Variants in OSMR observed in about 807,000 individuals in gnomAD.
OSMR encodes oncostatin-M-specific receptor subunit beta.
Under a neutral mutation model 99.9 loss-of-function variants are expected in OSMR, and 81 were observed. The ratio of observed to expected loss-of-function variants is 0.81; its 90% CI spans 0.68 to 0.97. OSMR has a LOEUF of 0.97. Ranked by LOEUF, OSMR falls within the 50% of genes least tolerant of loss-of-function variation. The pLI, the probability that OSMR is intolerant of heterozygous loss-of-function variation, is 0.00. For missense variants in OSMR, 1,099 were observed against 1,153.4 expected (o/e 0.95, Z 0.68); for synonymous variants, 406 against 410.4 (o/e 0.99, Z 0.13).
At position 38,886,183 on chromosome 5, in the gene OSMR, T is replaced by C. The variant is rs1002377727; in HGVS notation, c.984T>C (p.Thr328=). The part of the protein sequence containing the change: ...KRSVNILFNL[T]HRVYLMNPFS... ...GTGTCAATATCCTTTTTAACCTGAC[T>C]CATCGAGGTGAGACTAGAGTTGTCA... The change falls in exon 7 of 18, where the codon ACT becomes ACC. Residue 328 remains threonine, a synonymous_variant. Transcript: ENST00000274276. 1 of 1,614,122 alleles carries C rather than the reference T, an allele frequency of 6.2e-7. No individual in the cohort carries two copies. The highest frequency in any genetic ancestry group is 1.3e-5 in the African/African-American group (1 of 75,054).
Position 38,864,024 on chromosome 5 carries a change from C to A in OSMR, c.-13-5008C>A, listed in dbSNP as rs148377235. Among the ~76,000 whole-genome samples the A allele has an allele frequency of 8.5e-5, 13 of 152,224 alleles. No individual in the cohort carries two copies. The East Asian group carries it at 2.3e-3, about 27-fold the overall frequency. ...TAGAATATCTTTTCCTATCCCTTCA[C>A]TTTCAGTCTATATGTATCTTTATGG... On this transcript the variant is annotated intron_variant, in intron 1 of 17. Coordinates refer to ENST00000274276, the MANE Select transcript of OSMR (RefSeq NM_003999.3).
At chr5:38,857,467 T>A (rs1200496630) in intron 1 of OSMR, among the ~76,000 whole-genome samples, 1 of 152,178 alleles carries the variant, frequency 6.6e-6, no homozygotes, top group Non-Finnish European at 1.5e-5. Context: ...CCGGCTTTAA[T>A]ATTCAGTTGT....
At chr5:38,896,648 T>C (rs542742749) in intron 7 of OSMR, among the ~76,000 whole-genome samples, 1 of 152,238 alleles carries the variant, frequency 6.6e-6, no homozygotes, top group African/African-American at 2.4e-5. Context: ...TTCTTTATCT[T>C]GTCTGATTGC....
At chr5:38,931,779 A>T in intron 15 of OSMR, 104 bp from the exon 16 acceptor site, 3 of 1,544,674 alleles carry the variant, frequency 1.9e-6, no homozygotes, top group Non-Finnish European at 2.6e-6. Flanking sequence ...TAATTTGAGA[A>T]ATAATAAACA....
At chr5:38,883,614 C>G in intron 4 of OSMR, 1 of 717,232 alleles carries the variant, frequency 1.4e-6, no homozygotes, top group Non-Finnish European at 1.7e-6. Flanking sequence ...GTAAGAGCAA[C>G]AGCAGTGGTA....
chr5:38,917,828 G>C (rs934045235), intron 10 of OSMR, among the ~76,000 whole-genome samples: 2 of 152,106 alleles, frequency 1.3e-5, no homozygotes, highest in Admixed American at 6.6e-5. Flanking sequence ...AGTTCTGATT[G>C]GTAGAACCTT....
At chr5:38,852,651 T>C (rs542452294) in intron 1 of OSMR, among the ~76,000 whole-genome samples, 2 of 151,938 alleles carry the variant, frequency 1.3e-5, no homozygotes, top group Admixed American at 6.6e-5. Context: ...CTGTTTTTAC[T>C]TATTTCTAAG....
At position 38,933,579 on chromosome 5, in the gene OSMR, C is replaced by A; in HGVS notation, c.*135C>A. 1.0e-6 allele frequency: 1 copy of A among 972,576 alleles called. No homozygotes were observed. The highest frequency in any genetic ancestry group is 1.6e-6 in the Non-Finnish European group (1 of 632,178). The allele number at this position is 972,576 out of a possible 1,614,324, so 60.2% of individuals were successfully genotyped here. On this transcript the variant is annotated 3_prime_UTR_variant, in exon 18 of 18. Transcript: ENST00000274276. ...CTGGTTTATATAAGACCACTACAGTCTGGCTAGGTTAAAGGCCAGAGGCTA... is the reference window on the plus strand; with the variant it reads ...CTGGTTTATATAAGACCACTACAGTATGGCTAGGTTAAAGGCCAGAGGCTA...
rs549119585 is a variant in OSMR at position 38,850,998 on chromosome 5, G to C, written c.-14+4611G>C. On this transcript the variant is annotated intron_variant, in intron 1 of 17. Coordinates refer to ENST00000274276, the MANE Select transcript of OSMR (RefSeq NM_003999.3). ...CAGAACCTAAGAGGTTACATTTTCTGTACAGAAAAACACGGCATCCTCCCA... is the reference window on the plus strand; with the variant it reads ...CAGAACCTAAGAGGTTACATTTTCTCTACAGAAAAACACGGCATCCTCCCA... Among the ~76,000 whole-genome samples the C allele has an allele frequency of 2.0e-5, 3 of 152,238 alleles. No homozygotes were observed. The East Asian group carries it at 5.8e-4, about 29-fold the overall frequency.
chr5:38,905,381 C>T (rs432158), intron 9 of OSMR, among the ~76,000 whole-genome samples: 3 of 151,850 alleles, frequency 2.0e-5, no homozygotes, highest in African/African-American at 4.8e-5. Flanking sequence ...CCCAGCTACT[C>T]GGGAGGCTGA....
Position 38,856,891 on chromosome 5 carries a change from C to T in OSMR, c.-14+10504C>T, listed in dbSNP as rs144349794. ...TCCTGGCCTCAAGTGATCCTCCAGC[C>T]TCGGCCTCCCAAAATGCTGGGATTA... On this transcript the variant is annotated intron_variant, in intron 1 of 17. Transcript: ENST00000274276. Among the ~76,000 whole-genome samples, 1,026 of 152,336 alleles carry T rather than the reference C, an allele frequency of 6.7e-3. 22 individuals carry two copies. The highest frequency in any genetic ancestry group is 0.024 in the African/African-American group (979 of 41,568).
intron 5 of OSMR, 33 bp downstream of exon 5, chr5:38,884,144 C>G: frequency 6.9e-7 from 1 of 1,443,938 alleles, no homozygotes; most frequent in East Asian, 2.3e-5. Context: ...GCCCTTTCTT[C>G]TCATTTCCTG....
intron 7 of OSMR, among the ~76,000 whole-genome samples, chr5:38,899,940 C>T (rs1744787597): frequency 6.6e-6 from 1 of 152,098 alleles, no homozygotes; most frequent in Non-Finnish European, 1.5e-5. Context: ...GTCATCTTTC[C>T]CCAAAGTCTG....
At chr5:38,927,864 C>G (rs752103777) in intron 15 of OSMR, among the ~76,000 whole-genome samples, 55 of 152,174 alleles carry the variant, frequency 3.6e-4, no homozygotes, top group Admixed American at 8.5e-4. Context: ...CTTTTTTGCT[C>G]TGCTTCCTCT....
chr5:38,868,626 C>T (rs1742130921), intron 1 of OSMR, among the ~76,000 whole-genome samples: 1 of 152,168 alleles, frequency 6.6e-6, no homozygotes, highest in Non-Finnish European at 1.5e-5. Flanking sequence ...CTGGGGCCTC[C>T]CCAGCCATGT....
In OSMR at chr5:38,858,705, T is replaced by G. The variant is rs369370961; in HGVS notation, c.-13-10327T>G. On this transcript the variant is annotated intron_variant, in intron 1 of 17. Transcript: ENST00000274276. ...CCTCCATACTGTTTTCTATAATGGC[T>G]CTTCTAATTTACATTCCCAGCAACA... Among the ~76,000 whole-genome samples, 337 of 152,350 alleles carry G rather than the reference T, an allele frequency of 2.2e-3. 1 individual carries two copies. Among genetic ancestry groups the G allele is most frequent in the South Asian group, 3.7e-3 (18 of 4,832 alleles).
At chr5:38,864,967 T>A (rs1374470694) in intron 1 of OSMR, among the ~76,000 whole-genome samples, 1 of 152,232 alleles carries the variant, frequency 6.6e-6, no homozygotes, top group Non-Finnish European at 1.5e-5. Flanking sequence ...TGTCTTTCTC[T>A]CTCTGTCTGT....
intron 1 of OSMR, among the ~76,000 whole-genome samples, chr5:38,855,034 A>G (rs183437482): frequency 1.3e-5 from 2 of 152,202 alleles, no homozygotes; most frequent in Non-Finnish European, 1.5e-5. Context: ...GCTGCAGAGG[A>G]GACACCACCA....
Position 38,886,077 on chromosome 5 carries a change from G to T in OSMR, c.878G>T (p.Trp293Leu). The T allele has an allele frequency of 1.2e-6, 2 of 1,613,420 alleles. No homozygotes were observed. The highest frequency in any genetic ancestry group is 2.2e-5 in the East Asian group (1 of 44,868). The part of the protein sequence containing the change: ...GEKKLCTHKN[W>L]CNWQITQDSQ... ...AAGAAACTTTGTACACACAAAAACT[G>T]GTGTAATTGGCAAATAACTCAAGAC... The change falls in exon 7 of 18, where the codon TGG becomes TTG. Residue 293 changes from tryptophan to leucine, a missense_variant. Transcript: ENST00000274276.
Sources: allele counts gnomAD v4.1 joint callset (sites outside exome capture counted in the v4.1 genomes callset), GRCh38; gene constraint gnomAD v4.1.1; transcripts MANE v1.5; gene names NCBI Gene and HGNC (gene_info 2026-07-23, HGNC 2026-07-21).